The following CPQ variants were observed in gnomAD, a reference collection of about 807,000 sequenced individuals.
The protein encoded by CPQ is Ser-Met dipeptidase.
In CPQ, 37 loss-of-function variants were observed where a neutral mutation model predicts 45.7. The observed-to-expected ratio is 0.81, with a 90% CI of 0.62 to 1.07. The LOEUF is 1.07. Among genes scored for constraint, CPQ ranks in the 50% least tolerant of loss-of-function variants. CPQ has a pLI of 0.00. For missense variants in CPQ, 537 were observed against 572.9 expected (o/e 0.94, Z 0.64); for synonymous variants, 186 against 205.8 (o/e 0.90, Z 0.82).
chr8:96,748,099 C>T (rs1810213239), intron 1 of CPQ, among the ~76,000 whole-genome samples: 1 of 152,102 alleles, frequency 6.6e-6, no homozygotes, highest in South Asian at 2.1e-4. Flanking sequence ...GTCTGCCTCC[C>T]CCAGCTTATT....
intron 1 of CPQ, among the ~76,000 whole-genome samples, chr8:96,704,307 A>G (rs1459189851): frequency 6.6e-6 from 1 of 152,168 alleles, no homozygotes; most frequent in Non-Finnish European, 1.5e-5. Context: ...AAAGAGCAGA[A>G]ACTTCGTCTT....
chr8:96,676,309 T>G (rs1809075914), intron 1 of CPQ, among the ~76,000 whole-genome samples: 1 of 152,030 alleles, frequency 6.6e-6, no homozygotes, highest in Non-Finnish European at 1.5e-5. Flanking sequence ...CTACTCTCTA[T>G]CTCCATGAGA....
intron 3 of CPQ, among the ~76,000 whole-genome samples, chr8:96,854,232 C>A (rs1440182856): frequency 3.9e-5 from 6 of 152,004 alleles, no homozygotes; most frequent in Non-Finnish European, 1.5e-5. Flanking sequence ...TTGTGTCTTC[C>A]TTTTAAGAAA....
chr8:96,906,656 G>A (rs1812581396), intron 4 of CPQ, among the ~76,000 whole-genome samples: 1 of 152,126 alleles, frequency 6.6e-6, no homozygotes, highest in Admixed American at 6.6e-5. Flanking sequence ...TCTGATGAAG[G>A]CTCACTTTCT....
chr8:96,783,116 T>C (rs1191757861), intron 1 of CPQ, among the ~76,000 whole-genome samples: 4 of 152,178 alleles, frequency 2.6e-5, no homozygotes, highest in African/African-American at 9.7e-5. Flanking sequence ...ACTGCATTCA[T>C]TGTAATCTAG....
At chr8:96,683,413 C>G (rs1160525657) in intron 1 of CPQ, among the ~76,000 whole-genome samples, 5 of 151,942 alleles carry the variant, frequency 3.3e-5, no homozygotes, top group Non-Finnish European at 7.4e-5. Context: ...ATGATAATCC[C>G]CTTGTATATG....
At chr8:96,963,248 G>A (rs1444079433) in intron 4 of CPQ, among the ~76,000 whole-genome samples, 1 of 152,212 alleles carries the variant, frequency 6.6e-6, no homozygotes, top group Admixed American at 6.5e-5. Context: ...ACGTCACTGA[G>A]AAAATGTTCT....
At chr8:96,858,200 A>G (rs776307364) in intron 3 of CPQ, among the ~76,000 whole-genome samples, 12 of 152,150 alleles carry the variant, frequency 7.9e-5, no homozygotes, top group Non-Finnish European at 1.5e-4. Flanking sequence ...ACACAGGAGA[A>G]GGAGATATTA....
rs142422557 is a variant in CPQ at position 96,654,826 on chromosome 8, C to G, written c.-35+9424C>G. 1.4e-3 allele frequency among the ~76,000 whole-genome samples: 212 copies of G among 152,304 alleles called. 1 individual carries two copies. Among genetic ancestry groups the G allele is most frequent in the Non-Finnish European group, 2.2e-3 (151 of 68,036 alleles). ...GTTAGCAGCTTTATAGATGACAGTC[C>G]TGACCATAAACCTGACTGCATTTGC... On this transcript the variant is annotated intron_variant, in intron 1 of 7. Transcript: ENST00000220763.
chr8:97,016,923 G>A (rs186859829), intron 5 of CPQ, among the ~76,000 whole-genome samples: 73 of 152,264 alleles, frequency 4.8e-4, no homozygotes, highest in Middle Eastern at 3.4e-3. Flanking sequence ...GCTGTCACTC[G>A]GATGGACAGA....
chr8:96,875,136 G>T (rs1450932868), intron 3 of CPQ, among the ~76,000 whole-genome samples: 1 of 151,770 alleles, frequency 6.6e-6, no homozygotes, highest in Admixed American at 6.6e-5. Context: ...CTTCTTTGGA[G>T]AAATGTCTAT....
intron 7 of CPQ, among the ~76,000 whole-genome samples, chr8:97,100,389 G>GTA (rs1420503432): frequency 2.6e-5 from 4 of 152,090 alleles, no homozygotes; most frequent in Admixed American, 2.0e-4. Flanking sequence ...GAGAGGAGCG[G>GTA]GCAAACCAGG....
chr8:97,038,732 G>A (rs1444846624), intron 6 of CPQ, among the ~76,000 whole-genome samples: 2 of 145,872 alleles, frequency 1.4e-5, no homozygotes, highest in Non-Finnish European at 3.0e-5. Flanking sequence ...AGGACTGCAG[G>A]TCATATGGTT....
intron 7 of CPQ, among the ~76,000 whole-genome samples, chr8:97,072,476 A>G (rs145658686): frequency 6.5e-4 from 99 of 152,304 alleles, no homozygotes; most frequent in African/African-American, 2.3e-3. Context: ...TATGGAAACA[A>G]ACAAATGAAA....
intron 3 of CPQ, among the ~76,000 whole-genome samples, chr8:96,874,797 T>G (rs1812123732): frequency 6.6e-6 from 1 of 151,948 alleles, no homozygotes; most frequent in Non-Finnish European, 1.5e-5. Flanking sequence ...GCTATGAATA[T>G]TTGTGTGTAA....
chr8:96,780,514 G>A (rs935591356), intron 1 of CPQ, among the ~76,000 whole-genome samples: 1 of 152,004 alleles, frequency 6.6e-6, no homozygotes, highest in Non-Finnish European at 1.5e-5. Flanking sequence ...TTTTCTAATA[G>A]CCATAGTACA....
chr8:96,999,334 C>A (rs1169136713), intron 5 of CPQ, among the ~76,000 whole-genome samples: 1 of 151,548 alleles, frequency 6.6e-6, no homozygotes, highest in Non-Finnish European at 1.5e-5. Flanking sequence ...TATTTCATCA[C>A]CCAGCTATTA....
chr8:96,774,372 C>G (rs532680764), intron 1 of CPQ, among the ~76,000 whole-genome samples: 92 of 151,968 alleles, frequency 6.1e-4, no homozygotes, highest in Non-Finnish European at 1.2e-3. Flanking sequence ...AGTGGGGAAA[C>G]AGATGTTTTA....
intron 5 of CPQ, among the ~76,000 whole-genome samples, chr8:96,970,079 G>T: frequency 6.6e-6 from 1 of 152,146 alleles, no homozygotes. Context: ...TAGAAATGGG[G>T]ACCCATCTGG....
Sources: gnomAD v4.1 joint callset for allele counts (sites outside exome capture counted in the v4.1 genomes callset) on GRCh38, gnomAD v4.1.1 for gene constraint, MANE v1.5 for transcripts, NCBI Gene and HGNC (gene_info 2026-07-23, HGNC 2026-07-21) for gene names.